Variants in PTPA observed in about 807,000 individuals in gnomAD.
PTPA encodes the protein serine/threonine-protein phosphatase 2A activator.
Under a neutral mutation model 43.6 loss-of-function variants are expected in PTPA, and 13 were observed. That is an observed-to-expected ratio of 0.30 (90% CI 0.19 to 0.47). PTPA has a LOEUF of 0.47. Among genes scored for constraint, PTPA ranks in the 20% least tolerant of loss-of-function variants. The pLI, the probability that PTPA is intolerant of heterozygous loss-of-function variation, is 0.99. For synonymous variants in PTPA, 172 were observed against 158.2 expected, an observed-to-expected ratio of 1.09 and a Z score of -0.66; for missense variants, 329 against 411.9, an observed-to-expected ratio of 0.80 and a Z score of 1.74.
Position 129,143,244 on chromosome 9 carries a change from C to T in PTPA, c.894+692C>T, listed in dbSNP as rs1851028245. 4.3e-6 allele frequency: 3 copies of T among 694,536 alleles called. No homozygotes were observed. In the South Asian group the frequency reaches 4.5e-5, roughly 10 times the overall value. 43.0% of individuals were successfully genotyped at this position (694,536 alleles called of 1,614,324 possible). A position where few individuals can be genotyped will look rare whatever the true frequency, so the allele number is the denominator to read the frequency against. Reference sequence around the variant, plus strand: ...GAGACATTTTATTTCTACTCTGTCCCTTCTGCTAGCTCCTCCCACTTCCTG... The same window carrying T: ...GAGACATTTTATTTCTACTCTGTCCTTTCTGCTAGCTCCTCCCACTTCCTG... On this transcript the variant is annotated intron_variant, in intron 9 of 9. Coordinates refer to ENST00000393370, the MANE Select transcript of PTPA (RefSeq NM_178000.3).
intron 9 of PTPA, chr9:129,143,090 T>TGCTGAGGAGAGGAGA (rs1851013826): frequency 5.9e-6 from 4 of 683,356 alleles, no homozygotes; most frequent in South Asian, 4.0e-5. Context: ...TCAAATCAGA[T>TGCTGAGGAGAGGAGA]GCTGAGGAGA....
chr9:129,138,639 G>A (rs979768248), intron 8 of PTPA, among the ~76,000 whole-genome samples: 8 of 152,164 alleles, frequency 5.3e-5, no homozygotes, highest in Non-Finnish European at 1.0e-4. Context: ...CCTCAGTGAG[G>A]TTCCTAGCAG....
intron 8 of PTPA, chr9:129,139,368 T>TATTTGAGGCAGCAGAAGGAAC (rs1464514081): frequency 6.6e-6 from 1 of 152,150 alleles, no homozygotes; most frequent in African/African-American, 2.4e-5. Flanking sequence ...TGGTGACATT[T>TATTTGAGGCAGCAGAAGGAAC]ATTTGAGGCA....
chr9:129,126,211 A>G (rs1055692331), intron 3 of PTPA, among the ~76,000 whole-genome samples: 1 of 151,468 alleles, frequency 6.6e-6, no homozygotes, highest in Non-Finnish European at 1.5e-5. Context: ...TTTTATTTTT[A>G]TTTTTGAGAT....
chr9:129,130,093 A>T (rs998481536), intron 4 of PTPA, among the ~76,000 whole-genome samples: 1 of 152,168 alleles, frequency 6.6e-6, no homozygotes, highest in Non-Finnish European at 1.5e-5. Context: ...CTGATCCTCT[A>T]CTGATGTTTT....
intron 3 of PTPA, among the ~76,000 whole-genome samples, chr9:129,124,853 A>G (rs1849475702): frequency 6.6e-6 from 1 of 152,080 alleles, no homozygotes; most frequent in African/African-American, 2.4e-5. Context: ...CAAGATTAAC[A>G]CTGTGTGCCT....
chr9:129,111,196 T>C (rs1469716907), upstream of PTPA: 1 of 1,108,314 alleles, frequency 9.0e-7, no homozygotes, highest in African/African-American at 1.7e-5. Flanking sequence ...GACAGGAGAC[T>C]GTCCCGGAAA....
chr9:129,111,321 C>A, upstream of PTPA: 1 of 1,157,952 alleles, frequency 8.6e-7, no homozygotes, highest in Non-Finnish European at 1.1e-6. Flanking sequence ...GGCGCGCATG[C>A]GCCCCGCGCG....
At position 129,147,499 on chromosome 9, in the gene PTPA, TTCC is replaced by T. The variant is rs774053923; in HGVS notation, c.*37_*39del. 6.3e-7 allele frequency: 1 copy of T among 1,594,304 alleles called. No homozygotes were observed. The highest frequency in any genetic ancestry group is 8.6e-7 in the Non-Finnish European group (1 of 1,163,896). On this transcript the variant is annotated 3_prime_UTR_variant, in exon 10 of 10. Coordinates refer to ENST00000393370, the MANE Select transcript of PTPA (RefSeq NM_178000.3). ...AGCCGAAGAGCCACCCAGGCCACAG[TTCC>T]TGTGCCTGCCTTCCCCACCCCAGCA... is the stretch of plus-strand genomic sequence containing the variant.
intron 6 of PTPA, among the ~76,000 whole-genome samples, chr9:129,135,758 C>T (rs1378630606): frequency 6.6e-6 from 1 of 152,160 alleles, no homozygotes; most frequent in African/African-American, 2.4e-5. Context: ...GAGCAGTGCT[C>T]GATGCTTCAC....
chr9:129,138,620 T>A (rs573962961), intron 8 of PTPA, among the ~76,000 whole-genome samples: 1 of 152,288 alleles, frequency 6.6e-6, no homozygotes, highest in East Asian at 1.9e-4. Context: ...CCAGCACGGA[T>A]GTCTGCTGCC....
chr9:129,123,772 C>G (rs1328092339), intron 3 of PTPA, among the ~76,000 whole-genome samples: 1 of 151,958 alleles, frequency 6.6e-6, no homozygotes, highest in Non-Finnish European at 1.5e-5. Flanking sequence ...AAACCTCTGC[C>G]TCCTGGGTTC....
intron 8 of PTPA, chr9:129,139,309 A>G (rs949484335): frequency 5.3e-5 from 8 of 152,164 alleles, no homozygotes; most frequent in African/African-American, 1.9e-4. Context: ...AGGAAATCTC[A>G]AAGTAGCCAC....
chr9:129,111,797 T>G (rs1588473882), intron 1 of PTPA, 166 bp downstream of exon 1: 1,411 of 1,017,398 alleles, frequency 1.4e-3, no homozygotes, highest in East Asian at 9.0e-3. Flanking sequence ...GAGAGGTGGG[T>G]GGTGGGGCGC....
chr9:129,140,831 G>C (rs550044493), intron 8 of PTPA, among the ~76,000 whole-genome samples: 1 of 152,020 alleles, frequency 6.6e-6, no homozygotes, highest in African/African-American at 2.4e-5. Context: ...TGGGGGTGGA[G>C]TGTGGTTGAG....
At chr9:129,128,922 C>T in intron 3 of PTPA, 63 bp from the exon 4 acceptor site, 2 of 1,598,360 alleles carry the variant, frequency 1.3e-6, no homozygotes, top group Non-Finnish European at 1.7e-6. Context: ...AGTGGACTTC[C>T]CTCTGTGGCT....
intron 8 of PTPA, chr9:129,141,533 C>T (rs936744045): frequency 6.6e-6 from 1 of 152,316 alleles, no homozygotes; most frequent in East Asian, 1.9e-4. Context: ...TTAATAAATA[C>T]AAATGTGCTG....
At chr9:129,145,194 C>G (rs545369946) in intron 9 of PTPA, among the ~76,000 whole-genome samples, 6 of 151,758 alleles carry the variant, frequency 4.0e-5, no homozygotes, top group Non-Finnish European at 7.4e-5. Flanking sequence ...AGCCTGGCAT[C>G]GTGGTGCGCA....
Position 129,147,283 on chromosome 9 carries a change from TC to T in PTPA, c.895-102del, listed in dbSNP as rs749282032. On this transcript the variant is annotated intron_variant, in intron 9 of 9. Transcript: ENST00000393370. Reference sequence around the variant, plus strand: ...TGGGGGATCCCCTGGCGGGGCTACTTCCTGGGCCCGGGATGGACACCTGGGA... The same window carrying T: ...TGGGGGATCCCCTGGCGGGGCTACTTCTGGGCCCGGGATGGACACCTGGGA... The T allele has an allele frequency of 2.4e-3, 2,910 of 1,190,370 alleles. 10 individuals are homozygous for T. The highest frequency in any genetic ancestry group is 3.2e-3 in the Non-Finnish European group (2,613 of 813,312). The allele number at this position is 1,190,370 out of a possible 1,614,324, so 73.7% of individuals were successfully genotyped here.
Sources: gnomAD v4.1 joint callset for allele counts (sites outside exome capture counted in the v4.1 genomes callset) on GRCh38, gnomAD v4.1.1 for gene constraint, MANE v1.5 for transcripts, NCBI Gene and HGNC (gene_info 2026-07-23, HGNC 2026-07-21) for gene names.